SOX6: variants seen among roughly 807,000 people sequenced by gnomAD.
SOX6 encodes the protein SRY-box transcription factor 6.
In SOX6, 11 loss-of-function variants were observed where a neutral mutation model predicts 97.8. The ratio of observed to expected loss-of-function variants is 0.11; its 90% CI spans 0.07 to 0.19. The LOEUF is 0.19. Ranked by LOEUF, SOX6 falls within the 10% of genes least tolerant of loss-of-function variation. SOX6 has a pLI of 1.00. For synonymous variants in SOX6, 360 were observed against 371.4 expected (o/e 0.97, Z 0.35); for missense variants, 810 against 1,039.5 (o/e 0.78, Z 3.04).
chr11:16,185,246 T>G (rs541307550), intron 5 of SOX6, among the ~76,000 whole-genome samples: 2 of 152,304 alleles, frequency 1.3e-5, no homozygotes, highest in African/African-American at 4.8e-5. Flanking sequence ...AGCTTTATAC[T>G]TAAAGTGGAA....
intron 4 of SOX6, among the ~76,000 whole-genome samples, chr11:16,210,085 C>T (rs1027589478): frequency 2.4e-4 from 37 of 152,070 alleles, no homozygotes; most frequent in African/African-American, 8.5e-4. Context: ...TCTATCAGTT[C>T]CTCCAAAGGT....
chr11:16,145,459 C>G (rs1850266762), intron 6 of SOX6, among the ~76,000 whole-genome samples: 1 of 152,298 alleles, frequency 6.6e-6, no homozygotes, highest in South Asian at 2.1e-4. Flanking sequence ...GATGCCCTCT[C>G]TCACCACTCC....
chr11:16,134,170 C>A (rs1849893480), intron 6 of SOX6, among the ~76,000 whole-genome samples: 1 of 152,208 alleles, frequency 6.6e-6, no homozygotes, highest in African/African-American at 2.4e-5. Flanking sequence ...CCCCATTTTA[C>A]AGATGAGGCA....
intron 4 of SOX6, among the ~76,000 whole-genome samples, chr11:16,497,899 T>C (rs1860632091): frequency 6.6e-6 from 1 of 152,162 alleles, no homozygotes; most frequent in Non-Finnish European, 1.5e-5. Context: ...CTCTGCAGGA[T>C]ATTATCCAGG....
At chr11:16,669,374 G>T (rs960927610) in intron 3 of SOX6, among the ~76,000 whole-genome samples, 8 of 152,332 alleles carry the variant, frequency 5.3e-5, no homozygotes, top group African/African-American at 1.9e-4. Flanking sequence ...GCAACATGGA[G>T]CCAAGGGAAC....
rs536117498 is a variant in SOX6, at chr11:16,003,742, T to C, written c.1732+11200A>G. 2.6e-5 allele frequency among the ~76,000 whole-genome samples: 4 copies of C among 152,214 alleles called. No homozygotes were observed. The South Asian group carries it at 8.3e-4, about 32-fold the overall frequency. ...CAGATCTTGTAGAAATTTAATTTCT[T>C]ATATTCTGTTAAGTGTCATTTCTTG... is the stretch of plus-strand genomic sequence containing the variant. On this transcript the variant is annotated intron_variant, in intron 13 of 15. Coordinates refer to ENST00000683767, the MANE Select transcript of SOX6 (RefSeq NM_001367873.1).
At chr11:16,585,359 T>A (rs901841344) in intron 4 of SOX6, among the ~76,000 whole-genome samples, 1 of 152,226 alleles carries the variant, frequency 6.6e-6, no homozygotes. Context: ...TAAGCACTTA[T>A]ATGTACTCAT....
At chr11:16,507,323 C>A (rs1207000784) in intron 4 of SOX6, among the ~76,000 whole-genome samples, 1 of 151,962 alleles carries the variant, frequency 6.6e-6, no homozygotes, top group African/African-American at 2.4e-5. Context: ...AAGACTAATA[C>A]AATAACCATA....
intron 3 of SOX6, among the ~76,000 whole-genome samples, chr11:16,697,371 T>C (rs942093963): frequency 1.3e-5 from 2 of 152,186 alleles, no homozygotes; most frequent in African/African-American, 4.8e-5. Flanking sequence ...CGGTGGCTCA[T>C]GCCTGTAATC....
At chr11:16,227,985 G>C (rs1038564161) in intron 4 of SOX6, among the ~76,000 whole-genome samples, 1 of 152,110 alleles carries the variant, frequency 6.6e-6, no homozygotes, top group African/African-American at 2.4e-5. Flanking sequence ...ATCAGCTGAG[G>C]TCATGAGTTC....
intron 1 of SOX6, among the ~76,000 whole-genome samples, chr11:16,447,836 A>G (rs1032256236): frequency 6.6e-6 from 1 of 152,256 alleles, no homozygotes; most frequent in African/African-American, 2.4e-5. Context: ...AGACAGTGAT[A>G]GCATACAAGA....
intron 2 of SOX6, among the ~76,000 whole-genome samples, chr11:16,729,453 C>T (rs1476786014): frequency 6.6e-6 from 1 of 152,166 alleles, no homozygotes; most frequent in Non-Finnish European, 1.5e-5. Flanking sequence ...GAATTTTCCA[C>T]CTAGAATTTC....
chr11:16,236,514 T>G (rs1037050658), intron 3 of SOX6, among the ~76,000 whole-genome samples: 13 of 151,584 alleles, frequency 8.6e-5, no homozygotes, highest in South Asian at 4.2e-4. Flanking sequence ...CCCAATTCTG[T>G]TTTTTTTAGC....
chr11:16,497,314 T>G (rs554246554), intron 4 of SOX6, among the ~76,000 whole-genome samples: 2 of 152,268 alleles, frequency 1.3e-5, no homozygotes, highest in Non-Finnish European at 2.9e-5. Context: ...AAACCCCATC[T>G]GTATGTCACC....
At chr11:16,580,703 T>G (rs894561366) in intron 4 of SOX6, among the ~76,000 whole-genome samples, 3 of 152,156 alleles carry the variant, frequency 2.0e-5, no homozygotes, top group African/African-American at 7.2e-5. Flanking sequence ...TCTACCCATC[T>G]GACAAACATC....
chr11:16,591,604 A>C (rs1848155026), intron 4 of SOX6, among the ~76,000 whole-genome samples: 1 of 152,040 alleles, frequency 6.6e-6, no homozygotes, highest in Non-Finnish European at 1.5e-5. Context: ...ATTTTCATCT[A>C]TTTTCAATTT....
At chr11:16,664,774 G>A (rs1357483722) in intron 3 of SOX6, among the ~76,000 whole-genome samples, 1 of 151,892 alleles carries the variant, frequency 6.6e-6, no homozygotes, top group Admixed American at 6.6e-5. Flanking sequence ...CAGCCCACAG[G>A]TCCAGGAAAG....
chr11:16,583,616 T>TATATATATATATATATATAC (rs1848056249), intron 4 of SOX6, among the ~76,000 whole-genome samples: 28 of 52,458 alleles, frequency 5.3e-4, no homozygotes, highest in South Asian at 1.2e-3. Flanking sequence ...TATATATACA[T>TATATATATATATATATATAC]ATATATATAT....
At chr11:16,266,611 T>A (rs934822292) in intron 3 of SOX6, among the ~76,000 whole-genome samples, 1 of 151,592 alleles carries the variant, frequency 6.6e-6, no homozygotes, top group Non-Finnish European at 1.5e-5. Flanking sequence ...ATTTATAAGA[T>A]AAGTAGAATC....
Sources: allele counts gnomAD v4.1 joint callset (sites outside exome capture counted in the v4.1 genomes callset), GRCh38; gene constraint gnomAD v4.1.1; transcripts MANE v1.5; gene names NCBI Gene and HGNC (gene_info 2026-07-23, HGNC 2026-07-21).